The following DCDC1 variants were observed in gnomAD, a reference collection of about 807,000 sequenced individuals.
The protein encoded by DCDC1 is doublecortin domain containing 1.
A neutral mutation model predicts 178.3 loss-of-function variants in DCDC1; 200 were observed. The ratio of observed to expected loss-of-function variants is 1.12; its 90% CI spans 1.00 to 1.26. The LOEUF is 1.26. DCDC1 is among the 50% of genes most tolerant of loss of function. DCDC1 has a pLI of 0.00. For synonymous variants in DCDC1, 690 were observed against 604.8 expected (o/e 1.14, Z -2.07); for missense variants, 1,983 against 1,749.2 (o/e 1.13, Z -2.38).
chr11:31,059,768 A>G (rs1006626927), intron 20 of DCDC1, among the ~76,000 whole-genome samples: 5 of 152,104 alleles, frequency 3.3e-5, no homozygotes, highest in African/African-American at 1.2e-4. Flanking sequence ...AGTTCAAAGC[A>G]AATAAGAGTT....
intron 36 of DCDC1, among the ~76,000 whole-genome samples, chr11:30,887,172 T>C (rs1022733880): frequency 5.3e-5 from 8 of 152,188 alleles, no homozygotes; most frequent in Admixed American, 5.2e-4. Context: ...ATATCATGCA[T>C]GGAAGAAATA....
Position 30,899,825 on chromosome 11 carries a change from G to A in DCDC1, c.4664-183C>T, listed in dbSNP as rs376296409. The stretch of plus-strand genomic sequence containing the variant: ...GGCTTAAGGCATTTCTTTATGGAGT[G>A]GAGGGGTAAAAAAAAGAAGAACGAT... On this transcript the variant is annotated intron_variant, in intron 33 of 38. Transcript: ENST00000684477. Among the ~76,000 whole-genome samples the A allele has an allele frequency of 4.6e-4, 70 of 152,160 alleles. No homozygotes were observed. The South Asian group carries it at 0.013, about 29-fold the overall frequency.
At chr11:31,094,866 C>G (rs755466703) in intron 15 of DCDC1, among the ~76,000 whole-genome samples, 3 of 152,066 alleles carry the variant, frequency 2.0e-5, no homozygotes, top group Non-Finnish European at 4.4e-5. Context: ...CATAGGTATA[C>G]ACGTGCCATG....
intron 38 of DCDC1, among the ~76,000 whole-genome samples, chr11:30,866,828 G>C (rs1317227190): frequency 1.3e-5 from 2 of 152,070 alleles, no homozygotes; most frequent in Non-Finnish European, 2.9e-5. Context: ...CAACAACGTT[G>C]GGAAGTGGGG....
At chr11:31,017,656 T>C (rs1411953149) in intron 20 of DCDC1, among the ~76,000 whole-genome samples, 1 of 152,024 alleles carries the variant, frequency 6.6e-6, no homozygotes, top group Non-Finnish European at 1.5e-5. Context: ...CACAGCTCAC[T>C]GCAGCCTTGG....
At chr11:30,920,745 GGTA>G in intron 25 of DCDC1, 28 bp downstream of exon 25, 1 of 1,609,240 alleles carries the variant, frequency 6.2e-7, no homozygotes, top group Non-Finnish European at 8.5e-7. Flanking sequence ...AAAGCAGCCA[GGTA>G]GCTTTTCAGG....
At chr11:30,878,238 A>G (rs930209634) in intron 38 of DCDC1, among the ~76,000 whole-genome samples, 3 of 152,082 alleles carry the variant, frequency 2.0e-5, no homozygotes, top group Non-Finnish European at 4.4e-5. Context: ...GGATTGCTTG[A>G]GCTCAGGAGT....
At chr11:31,054,674 T>A (rs575844022) in intron 20 of DCDC1, among the ~76,000 whole-genome samples, 4 of 152,024 alleles carry the variant, frequency 2.6e-5, no homozygotes, top group Admixed American at 6.5e-5. Context: ...AACCCAGAAA[T>A]AAACCCAAAT....
At chr11:30,885,020 T>C (rs1943039014) in intron 36 of DCDC1, among the ~76,000 whole-genome samples, 1 of 151,964 alleles carries the variant, frequency 6.6e-6, no homozygotes, top group African/African-American at 2.4e-5. Context: ...ATGAGCAACT[T>C]CTTTAAGACA....
At chr11:31,275,104 T>C (rs1185915202) in intron 7 of DCDC1, among the ~76,000 whole-genome samples, 2 of 152,140 alleles carry the variant, frequency 1.3e-5, no homozygotes, top group South Asian at 4.1e-4. Flanking sequence ...CAGACATTAG[T>C]AGTCAAAAAA....
rs1338121964 is a variant in DCDC1 at position 31,093,930 on chromosome 11, C to A, written c.2118+120G>T. ...CGGCAGAGATGGCATCTATAACAGC[C>A]AACAATTTATCACGCTTTCACTTGT... is the stretch of plus-strand genomic sequence containing the variant. On this transcript the variant is annotated intron_variant, in intron 16 of 38. Transcript: ENST00000684477. The A allele has an allele frequency of 1.2e-5, 8 of 667,404 alleles. No homozygotes were observed. In the Admixed American group the frequency reaches 1.8e-4, roughly 15 times the overall value. The allele number at this position is 667,404 out of a possible 1,614,324, so 41.3% of individuals were successfully genotyped here. A position where few individuals can be genotyped will look rare whatever the true frequency, so the allele number is the denominator to read the frequency against.
chr11:31,360,519 A>T (rs1330233698), intron 1 of DCDC1, among the ~76,000 whole-genome samples: 1 of 152,232 alleles, frequency 6.6e-6, no homozygotes, highest in Admixed American at 6.5e-5. Context: ...CCACAGTAAG[A>T]GATTAACAGC....
At chr11:30,877,842 C>G (rs1041257668) in intron 38 of DCDC1, among the ~76,000 whole-genome samples, 1 of 152,070 alleles carries the variant, frequency 6.6e-6, no homozygotes, top group Admixed American at 6.6e-5. Context: ...AAAATGTCAG[C>G]TAGGGTCAAA....
chr11:31,294,597 T>A (rs1389226035), intron 6 of DCDC1, among the ~76,000 whole-genome samples: 1 of 45,036 alleles, frequency 2.2e-5, no homozygotes, highest in Non-Finnish European at 4.5e-5. Context: ...AGGAAAGGGA[T>A]GGGGAGGGGA....
chr11:31,036,109 C>T (rs1372825030), intron 20 of DCDC1, among the ~76,000 whole-genome samples: 1 of 152,134 alleles, frequency 6.6e-6, no homozygotes, highest in African/African-American at 2.4e-5. Flanking sequence ...GCTGTGAAGT[C>T]GCTCTACTCT....
chr11:30,878,842 C>T, intron 37 of DCDC1, 131 bp from the exon 38 acceptor site: 1 of 751,320 alleles, frequency 1.3e-6, no homozygotes, highest in Non-Finnish European at 2.0e-6. Flanking sequence ...TCTCTCATTA[C>T]AACTTTGACT....
At chr11:30,988,798 G>A (rs1410271199) in intron 20 of DCDC1, among the ~76,000 whole-genome samples, 6 of 152,180 alleles carry the variant, frequency 3.9e-5, no homozygotes, top group Non-Finnish European at 2.9e-5. Flanking sequence ...GGCATCGTAG[G>A]CTACATGTGG....
intron 1 of DCDC1, among the ~76,000 whole-genome samples, chr11:31,359,147 T>C (rs1433661950): frequency 8.5e-5 from 13 of 152,150 alleles, no homozygotes; most frequent in African/African-American, 2.9e-4. Flanking sequence ...ATGTTTATTG[T>C]GGCACTATTC....
chr11:31,343,885 A>T (rs1950679848), intron 1 of DCDC1, among the ~76,000 whole-genome samples: 1 of 151,982 alleles, frequency 6.6e-6, no homozygotes, highest in South Asian at 2.1e-4. Context: ...ATGGCACTGC[A>T]CTCCAGCCTG....
Sources: allele counts gnomAD v4.1 joint callset (sites outside exome capture counted in the v4.1 genomes callset), GRCh38; gene constraint gnomAD v4.1.1; transcripts MANE v1.5; gene names NCBI Gene and HGNC (gene_info 2026-07-23, HGNC 2026-07-21).